ABCC2: variants seen among roughly 807,000 people sequenced by gnomAD.
ABCC2 encodes the protein ATP-binding cassette sub-family C member 2.
In ABCC2, 157 loss-of-function variants were observed where a neutral mutation model predicts 173.4. The ratio of observed to expected loss-of-function variants is 0.91; its 90% CI spans 0.80 to 1.03. The LOEUF is 1.03. ABCC2 is among the 50% of genes least tolerant of loss of function. The pLI is 0.00. For missense variants in ABCC2, 1,822 were observed against 1,852.3 expected, an observed-to-expected ratio of 0.98 and a Z score of 0.30; for synonymous variants, 657 against 693.5, an observed-to-expected ratio of 0.95 and a Z score of 0.83.
intron 31 of ABCC2, among the ~76,000 whole-genome samples, chr10:99,851,142 C>T (rs536805977): frequency 3.5e-4 from 54 of 152,332 alleles, no homozygotes; most frequent in African/African-American, 1.3e-3. Context: ...GTAAAACAGC[C>T]AGAAGCTTTC....
Position 99,814,424 on chromosome 10 carries a change from C to CATATATGTGTATACACACATATGTGTGT in ABCC2, c.2094+1286_2094+1313dup, listed in dbSNP as rs1373647388. ...ATATACACACGTGTATATATGTGTG[C>CATATATGTGTATACACACATATGTGTGT]ATATATGTGTATACACACATATGTG... On this transcript the variant is annotated intron_variant, in intron 16 of 31. Transcript: ENST00000647814. Among the ~76,000 whole-genome samples the CATATATGTGTATACACACATATGTGTGT allele has an allele frequency of 2.2e-5, 3 of 133,350 alleles. 1 individual carries two copies. Among genetic ancestry groups the CATATATGTGTATACACACATATGTGTGT allele is most frequent in the East Asian group, 4.6e-4 (2 of 4,340 alleles). 87.5% of individuals were successfully genotyped at this position (133,350 alleles called of 152,430 possible).
chr10:99,812,902 A>G, intron 15 of ABCC2, 116 bp from the exon 16 acceptor site: 1 of 1,425,352 alleles, frequency 7.0e-7, no homozygotes, highest in South Asian at 1.2e-5. Context: ...CAAATTTTCC[A>G]ATCTTGAGGG....
intron 30 of ABCC2, 141 bp from the exon 31 acceptor site, chr10:99,850,461 G>A: frequency 1.2e-6 from 1 of 809,676 alleles, no homozygotes; most frequent in South Asian, 1.5e-5. Context: ...GGTACAGCTA[G>A]TTGAAGAGGC....
chr10:99,783,016 C>A, intron 1 of ABCC2, 139 bp downstream of exon 1: 1 of 761,636 alleles, frequency 1.3e-6, no homozygotes, highest in East Asian at 2.7e-5. Context: ...TTTTAGAAAG[C>A]ATAATTCATA....
intron 1 of ABCC2, among the ~76,000 whole-genome samples, chr10:99,783,817 G>C (rs954789575): frequency 3.9e-5 from 6 of 152,060 alleles, no homozygotes; most frequent in Admixed American, 2.0e-4. Context: ...ATCTAGACAG[G>C]CCATCTCTTG....
chr10:99,800,461 T>C lies in ABCC2; in HGVS notation c.1107T>C (p.Thr369=), dbSNP rs986346884. ...ATCTCTGTGCAATCCTCTTATTCAC[T>C]GCGGCTCTCATTCAGTCTTTCTGCC... ...IGYLCAILLF[T]AALIQSFCLQ... is the part of the protein sequence containing the mutation. The change falls in exon 9 of 32, where the codon ACT becomes ACC. Residue 369 remains threonine, a synonymous_variant. Coordinates refer to ENST00000647814, the MANE Select transcript of ABCC2 (RefSeq NM_000392.5). 3 of 1,614,090 alleles carry C rather than the reference T, an allele frequency of 1.9e-6. No individual in the cohort carries two copies. In the African/African-American group the frequency reaches 4.0e-5, roughly 22 times the overall value.
chr10:99,848,771 C>A (rs1379959787), intron 30 of ABCC2, among the ~76,000 whole-genome samples: 1 of 152,168 alleles, frequency 6.6e-6, no homozygotes, highest in Non-Finnish European at 1.5e-5. Context: ...CCAACTGAAT[C>A]GGGGACCCAG....
In ABCC2 at chr10:99,841,233, G is replaced by T. The variant is rs1371300492; in HGVS notation, c.3615-734G>T. ...CATTGCTTCCCCAGCCTGATCAAAA[G>T]AAGTCATTTGGAGCGTTCATTTAAA... is the stretch of plus-strand genomic sequence containing the variant. On this transcript the variant is annotated intron_variant, in intron 25 of 31. Transcript: ENST00000647814. Among the ~76,000 whole-genome samples the T allele has an allele frequency of 3.3e-5, 5 of 152,228 alleles. No individual in the cohort carries two copies. The East Asian group carries it at 9.7e-4, about 29-fold the overall frequency.
Position 99,842,046 on chromosome 10 carries a change from AC to A in ABCC2, c.3697del (p.Leu1233Ter). ...SALMMVIYRD[T>X]LSGDTVGFVL... Reference sequence around the variant, plus strand: ...CTTGATGATGGTTATTTATAGAGATACCCTAAGTGGGGACACTGTTGGCTTT... The same window carrying A: ...CTTGATGATGGTTATTTATAGAGATACCTAAGTGGGGACACTGTTGGCTTT... On this transcript the variant is annotated frameshift_variant, in exon 26 of 32. Coordinates refer to ENST00000647814, the MANE Select transcript of ABCC2 (RefSeq NM_000392.5). LOFTEE classifies it high-confidence loss of function. 6.2e-7 allele frequency: 1 copy of A among 1,614,084 alleles called. No homozygotes were observed. Among genetic ancestry groups the A allele is most frequent in the Non-Finnish European group, 8.5e-7 (1 of 1,180,010 alleles).
intron 27 of ABCC2, 151 bp downstream of exon 27, chr10:99,844,051 C>T: frequency 1.2e-6 from 1 of 817,528 alleles, no homozygotes; most frequent in Non-Finnish European, 2.0e-6. Context: ...CTAATTTCTT[C>T]AAACTTAGAA....
chr10:99,848,707 G>C (rs1345038280), intron 30 of ABCC2, among the ~76,000 whole-genome samples: 1 of 152,228 alleles, frequency 6.6e-6, no homozygotes, highest in Non-Finnish European at 1.5e-5. Flanking sequence ...TAGGCTGCAA[G>C]CTAAAATCAC....
rs1734331798 is a variant in ABCC2 at position 99,830,318 on chromosome 10, A to G, written c.2632A>G (p.Ser878Gly). ...CTGTGTCTCCCTAGTCCATGATGGC[A>G]GTGAAGAAGAAGACGATGACTATGG... Reference protein sequence around the residue: ...PEEEATVHDGSEEEDDDYGLI... With the variant: ...PEEEATVHDGGEEEDDDYGLI... Residue 878 changes from serine (S) to glycine (G), a missense_variant, in exon 20 of 32, where the codon AGT (serine) becomes GGT (glycine). Transcript: ENST00000647814. 6.2e-7 allele frequency: 1 copy of G among 1,614,030 alleles called. No individual in the cohort carries two copies. The highest frequency in any genetic ancestry group is 1.7e-5 in the Admixed American group (1 of 59,998).
intron 16 of ABCC2, among the ~76,000 whole-genome samples, chr10:99,813,935 T>C (rs971670033): frequency 6.6e-6 from 1 of 152,106 alleles, no homozygotes; most frequent in Admixed American, 6.5e-5. Context: ...CAATCATCAC[T>C]GGCATTTGCA....
chr10:99,814,300 TAC>T lies in ABCC2; in HGVS notation c.2094+1162_2094+1163del, dbSNP rs1310805790. ...ACGTATGTATACACACACGTATGTA[TAC>T]ACACATGTATATACACACGTATGTA... On this transcript the variant is annotated intron_variant, in intron 16 of 31. Transcript: ENST00000647814. Among the ~76,000 whole-genome samples, 6 of 73,324 alleles carry T rather than the reference TAC, an allele frequency of 8.2e-5. 1 individual carries two copies. Among genetic ancestry groups the T allele is most frequent in the Non-Finnish European group, 8.1e-5 (3 of 36,924 alleles). The allele number at this position is 73,324 out of a possible 152,430, so 48.1% of individuals were successfully genotyped here.
chr10:99,792,144 G>C, intron 2 of ABCC2, 90 bp from the exon 3 acceptor site: 1 of 1,524,508 alleles, frequency 6.6e-7, no homozygotes, highest in African/African-American at 1.4e-5. Flanking sequence ...ACTGCATACC[G>C]CTTTTCCTAT....
chr10:99,792,650 G>A (rs1021975429), intron 3 of ABCC2, among the ~76,000 whole-genome samples: 10 of 152,226 alleles, frequency 6.6e-5, no homozygotes, highest in African/African-American at 2.4e-4. Flanking sequence ...AGAGAGCTAA[G>A]TTTCTTGATG....
At chr10:99,808,778 C>G (rs1361854601) in intron 13 of ABCC2, among the ~76,000 whole-genome samples, 6 of 152,142 alleles carry the variant, frequency 3.9e-5, no homozygotes, top group African/African-American at 1.4e-4. Flanking sequence ...AGTACCAGAT[C>G]TGCAGAGGAA....
At chr10:99,833,697 A>C (rs1249727394) in intron 23 of ABCC2, among the ~76,000 whole-genome samples, 1 of 152,224 alleles carries the variant, frequency 6.6e-6, no homozygotes, top group African/African-American at 2.4e-5. Flanking sequence ...TCCATGATTC[A>C]GAGCTTTCCT....
At position 99,797,273 on chromosome 10, in the gene ABCC2, G is replaced by A. The variant is rs776821017; in HGVS notation, c.809G>A (p.Gly270Glu). 6.2e-7 allele frequency: 1 copy of A among 1,614,002 alleles called. No homozygotes were observed. The highest frequency in any genetic ancestry group is 1.1e-5 in the South Asian group (1 of 91,048). Residue 270 changes from glycine to glutamate, a missense_variant, in exon 7 of 32, where the codon GGA (glycine) becomes GAA (glutamate). Physicochemically the swap from Gly to Glu is moderately conservative, Grantham distance 98. Transcript: ENST00000647814. The stretch of plus-strand genomic sequence containing the variant: ...GAGAAGAGCTCCCAGCAGAACTCTG[G>A]AGCCAGGCTGCCTGGCTTGAACAAG... ...RQEKSSQQNS[G>E]ARLPGLNKNQ...
Sources: allele counts gnomAD v4.1 joint callset (sites outside exome capture counted in the v4.1 genomes callset), GRCh38; gene constraint gnomAD v4.1.1; transcripts MANE v1.5; gene names NCBI Gene and HGNC (gene_info 2026-07-23, HGNC 2026-07-21).